Variants in URB2 observed in about 807,000 individuals in gnomAD.
URB2 encodes the protein URB2 ribosome biogenesis homolog, also known as unhealthy ribosome biogenesis protein 2 homolog.
A neutral mutation model predicts 120.9 loss-of-function variants in URB2; 86 were observed. That is an observed-to-expected ratio of 0.71 (90% CI 0.60 to 0.85). The LOEUF (loss-of-function observed/expected upper bound fraction) is 0.85. URB2 is among the 40% of genes least tolerant of loss of function. URB2 has a pLI of 0.00. For missense variants in URB2, 1,765 were observed against 1,836.5 expected (o/e 0.96, Z 0.71); for synonymous variants, 755 against 758.4 (o/e 1.00, Z 0.07).
rs1666268157 is a variant in URB2 at position 229,651,315 on chromosome 1, G to A, written c.4230G>A (p.Lys1410=). The change falls in exon 8 of 10, where the codon AAG becomes AAA. Residue 1410 remains lysine, a synonymous_variant. Transcript: ENST00000258243. ...VFSVMREGRQ[K]DKGSIDDLPT... ...CAGTTATGCGGGAAGGGCGGCAGAA[G>A]GACAAAGGTAATTTGGAGTAACATC... 2.5e-6 allele frequency: 4 copies of A among 1,610,920 alleles called. No homozygotes were observed. The highest frequency in any genetic ancestry group is 2.2e-5 in the East Asian group (1 of 44,834).
intron 9 of URB2, among the ~76,000 whole-genome samples, chr1:229,656,359 C>T (rs1026443362): frequency 2.0e-5 from 3 of 152,184 alleles, no homozygotes; most frequent in African/African-American, 7.2e-5. Flanking sequence ...TATGAAAAGC[C>T]TCTGGCTTCC....
chr1:229,643,953 A>G (rs897092575), intron 5 of URB2, among the ~76,000 whole-genome samples: 1 of 152,260 alleles, frequency 6.6e-6, no homozygotes, highest in Non-Finnish European at 1.5e-5. Context: ...ACTAAGTGTT[A>G]CACATTCACA....
At chr1:229,633,913 C>A (rs1665729810) in intron 3 of URB2, among the ~76,000 whole-genome samples, 1 of 151,982 alleles carries the variant, frequency 6.6e-6, no homozygotes, top group African/African-American at 2.4e-5. Flanking sequence ...CTCACTGGAA[C>A]CTCTGCCTCC....
intron 6 of URB2, among the ~76,000 whole-genome samples, chr1:229,646,743 T>C (rs1437199786): frequency 1.3e-5 from 2 of 152,180 alleles, no homozygotes; most frequent in African/African-American, 4.8e-5. Flanking sequence ...CTGGTTCAGA[T>C]TGGGACTGCC....
intron 9 of URB2, among the ~76,000 whole-genome samples, chr1:229,656,877 C>T (rs1388742161): frequency 6.6e-6 from 1 of 152,224 alleles, no homozygotes; most frequent in Non-Finnish European, 1.5e-5. Flanking sequence ...TCTACAGATG[C>T]TCCTGGACTT....
At position 229,635,552 on chromosome 1, in the gene URB2, T is replaced by G. The variant is rs749194032; in HGVS notation, c.939T>G (p.Asp313Glu). The stretch of plus-strand genomic sequence containing the variant: ...CCTTGCTGTATAAGCTCTTTCTAGA[T>G]TCTTACTTTAAGGAGGGAAACCAGC... ...SVALLYKLFLDSYFKEGNQLL... is the reference protein window; with the variant it reads ...SVALLYKLFLESYFKEGNQLL... The change falls in exon 4 of 10, where the codon GAT (aspartate) becomes GAG (glutamate). Residue 313 changes from aspartate to glutamate, a missense_variant. Coordinates refer to ENST00000258243, the MANE Select transcript of URB2 (RefSeq NM_014777.4). The G allele has an allele frequency of 5.6e-6, 9 of 1,614,118 alleles. No individual in the cohort carries two copies.
chr1:229,647,887 G>T, intron 7 of URB2, 135 bp downstream of exon 7: 1 of 1,407,880 alleles, frequency 7.1e-7, no homozygotes, highest in South Asian at 1.5e-5. Flanking sequence ...CAAACTTTCT[G>T]TTCTAGTAAA....
intron 5 of URB2, among the ~76,000 whole-genome samples, chr1:229,644,140 G>C (rs568162417): frequency 2.0e-5 from 3 of 152,350 alleles, no homozygotes; most frequent in South Asian, 2.1e-4. Context: ...CAGCCTGCAT[G>C]GTGTTGCATT....
rs2102782931 is a variant in URB2, at chr1:229,634,904, T to C, written c.304-13T>C. The C allele has an allele frequency of 1.3e-6, 2 of 1,508,288 alleles. No individual in the cohort carries two copies. Among genetic ancestry groups the C allele is most frequent in the South Asian group, 2.7e-5 (2 of 72,874 alleles). The allele number at this position is 1,508,288 out of a possible 1,614,324, so 93.4% of individuals were successfully genotyped here. A position where few individuals can be genotyped will look rare whatever the true frequency, so the allele number is the denominator to read the frequency against. ...AGGTCAGTAATGAATTTTCTTTCTT[T>C]CTTAATGTTCAGATCATCAATGAGA... On this transcript the variant is annotated splice_polypyrimidine_tract_variant and intron_variant, in intron 3 of 9. Coordinates refer to ENST00000258243, the MANE Select transcript of URB2 (RefSeq NM_014777.4).
chr1:229,657,387 A>G (rs1666429687), intron 9 of URB2, among the ~76,000 whole-genome samples: 1 of 152,236 alleles, frequency 6.6e-6, no homozygotes, highest in Non-Finnish European at 1.5e-5. Context: ...CTGTGTAAGT[A>G]GTTCAGAGCA....
Position 229,627,707 on chromosome 1 carries a change from T to A in URB2, c.74T>A (p.Leu25Gln). Residue 25 changes from leucine to glutamine, a missense_variant, in exon 2 of 10, where the codon CTA (leucine) becomes CAA (glutamine). Leu to Gln is a moderately radical substitution (Grantham distance 113, BLOSUM62 -2). Transcript: ENST00000258243. ...KTTSWEDKLKLAHFAWISHQC... is the reference protein window; with the variant it reads ...KTTSWEDKLKQAHFAWISHQC... ...ACTTCCTGGGAAGATAAACTAAAAC[T>A]AGCTCACTTTGCTTGGATTTCTCAC... 6.2e-7 allele frequency: 1 copy of A among 1,613,384 alleles called. No individual in the cohort carries two copies. Among genetic ancestry groups the A allele is most frequent in the Non-Finnish European group, 8.5e-7 (1 of 1,179,606 alleles).
At chr1:229,645,279 C>T (rs1468101129) in intron 5 of URB2, among the ~76,000 whole-genome samples, 6 of 121,118 alleles carry the variant, frequency 5.0e-5, no homozygotes, top group East Asian at 2.9e-4. Flanking sequence ...GAGCGAGACT[C>T]GGTCTCGAAA....
Position 229,637,629 on chromosome 1 carries a change from G to C in URB2, c.3016G>C (p.Glu1006Gln), listed in dbSNP as rs1214594648. Residue 1006 changes from glutamate (E) to glutamine (Q), a missense_variant, in exon 4 of 10, where the codon GAG becomes CAG. Transcript: ENST00000258243. Reference protein sequence around the residue: ...EFLQVIGTFLEELMQMLIQMK... With the variant: ...EFLQVIGTFLQELMQMLIQMK... ...CCTCCAAGTGATAGGGACGTTCTTA[G>C]AGGAGCTAATGCAGATGCTCATCCA... 6.2e-7 allele frequency: 1 copy of C among 1,614,224 alleles called. No homozygotes were observed. The highest frequency in any genetic ancestry group is 1.1e-5 in the South Asian group (1 of 91,088).
At position 229,645,890 on chromosome 1, in the gene URB2, T is replaced by C; in HGVS notation, c.3827T>C (p.Leu1276Pro). 6.2e-7 allele frequency: 1 copy of C among 1,614,192 alleles called. No individual in the cohort carries two copies. The highest frequency in any genetic ancestry group is 8.5e-7 in the Non-Finnish European group (1 of 1,180,038). Residue 1276 changes from leucine (L) to proline (P), a missense_variant, in exon 6 of 10, where the codon CTG (leucine) becomes CCG (proline). By Grantham distance (98) the Leu-to-Pro change is moderately conservative. Transcript: ENST00000258243. ...AVVSAVTLLR[L>P]LLNCPLSGEK... ...GTGTCAGCTGTTACACTGCTGAGGC[T>C]GCTACTGAACTGCCCACTCAGTGGA... is the stretch of plus-strand genomic sequence containing the variant.
chr1:229,628,272 T>TTATACATATACATATTATATATGTA (rs1347099829), intron 2 of URB2, among the ~76,000 whole-genome samples: 37 of 147,148 alleles, frequency 2.5e-4, no homozygotes, highest in South Asian at 4.2e-4. Context: ...TGTATATAAA[T>TTATACATATACATATTATATATGTA]TAGTCAGACA....
chr1:229,643,846 T>C (rs546208797), intron 5 of URB2, among the ~76,000 whole-genome samples, 153 bp downstream of exon 5: 1 of 152,350 alleles, frequency 6.6e-6, no homozygotes, highest in Admixed American at 6.5e-5. Context: ...GAGGGAGCCC[T>C]GGCCTGTGGG....
At position 229,637,083 on chromosome 1, in the gene URB2, T is replaced by C; in HGVS notation, c.2470T>C (p.Cys824Arg). The change falls in exon 4 of 10, where the codon TGT (cysteine) becomes CGT (arginine). Residue 824 changes from cysteine (C) to arginine (R), a missense_variant. Coordinates refer to ENST00000258243, the MANE Select transcript of URB2 (RefSeq NM_014777.4). ...CVTTSCSSIL[C>R]SGAQRDSGLV... Reference sequence around the variant, plus strand: ...AACCACAAGTTGCTCCAGCATTCTGTGTTCTGGTGCCCAGCGTGACTCAGG... The same window carrying C: ...AACCACAAGTTGCTCCAGCATTCTGCGTTCTGGTGCCCAGCGTGACTCAGG... 1 of 1,613,904 alleles carries C rather than the reference T, an allele frequency of 6.2e-7. No individual in the cohort carries two copies. Among genetic ancestry groups the C allele is most frequent in the Non-Finnish European group, 8.5e-7 (1 of 1,179,926 alleles).
Position 229,638,107 on chromosome 1 carries a change from T to G in URB2, c.3494T>G (p.Leu1165Trp), listed in dbSNP as rs1665901183. ...GTTTACTCTCAGATACTGTTGGAGTTGCCAGCTCTCGCGGGACATGATCAG... is the reference window on the plus strand; with the variant it reads ...GTTTACTCTCAGATACTGTTGGAGTGGCCAGCTCTCGCGGGACATGATCAG... ...QGVYSQILLE[L>W]PALAGHDQSF... The change falls in exon 4 of 10, where the codon TTG (leucine) becomes TGG (tryptophan). Residue 1165 changes from leucine (L) to tryptophan (W), a missense_variant. Leu to Trp is a moderately conservative substitution (Grantham distance 61, BLOSUM62 -2). Coordinates refer to ENST00000258243, the MANE Select transcript of URB2 (RefSeq NM_014777.4). The G allele has an allele frequency of 6.2e-7, 1 of 1,614,232 alleles. No individual in the cohort carries two copies. The highest frequency in any genetic ancestry group is 8.5e-7 in the Non-Finnish European group (1 of 1,180,046).
intron 9 of URB2, among the ~76,000 whole-genome samples, chr1:229,655,719 GTA>G: frequency 1.3e-5 from 2 of 152,316 alleles, no homozygotes; most frequent in South Asian, 4.1e-4. Context: ...TCTTCTGTAT[GTA>G]TAGATATACA....
Sources: allele counts gnomAD v4.1 joint callset (sites outside exome capture counted in the v4.1 genomes callset), GRCh38; gene constraint gnomAD v4.1.1; transcripts MANE v1.5; gene names NCBI Gene and HGNC (gene_info 2026-07-23, HGNC 2026-07-21).